The following PKNOX2 variants were observed in gnomAD, a reference collection of about 807,000 sequenced individuals.
The protein encoded by PKNOX2 is PBX/knotted 1 homeobox 2, also known as homeobox protein PKNOX2.
In PKNOX2, 14 loss-of-function variants were observed where a neutral mutation model predicts 53.1. The observed-to-expected ratio is 0.26, with a 90% CI of 0.17 to 0.41. The LOEUF (loss-of-function observed/expected upper bound fraction) is 0.41, where lower values mean the gene tolerates loss of function less well. Ranked by LOEUF, PKNOX2 falls within the 10% of genes least tolerant of loss-of-function variation. The pLI is 1.00. For synonymous variants in PKNOX2, 257 were observed against 242.8 expected, an observed-to-expected ratio of 1.06 and a Z score of -0.54; for missense variants, 496 against 602.8, an observed-to-expected ratio of 0.82 and a Z score of 1.85.
chr11:125,205,710 T>A (rs1207152080), intron 1 of PKNOX2, among the ~76,000 whole-genome samples: 1 of 151,988 alleles, frequency 6.6e-6, no homozygotes, highest in Admixed American at 6.6e-5. Context: ...TGCAGCCCAA[T>A]CTCGACTTCC....
intron 1 of PKNOX2, among the ~76,000 whole-genome samples, chr11:125,216,287 G>A (rs947879920): frequency 2.0e-5 from 3 of 152,180 alleles, no homozygotes; most frequent in Admixed American, 6.5e-5. Flanking sequence ...CTGTGGTTTC[G>A]AGTCTGTCTG....
chr11:125,298,218 CA>C (rs1445122371), intron 2 of PKNOX2, among the ~76,000 whole-genome samples: 2 of 152,156 alleles, frequency 1.3e-5, no homozygotes, highest in Admixed American at 6.5e-5. Context: ...GAGGTTCAGA[CA>C]GGGGTAGATG....
intron 2 of PKNOX2, among the ~76,000 whole-genome samples, chr11:125,257,122 G>C (rs186424559): frequency 2.5e-4 from 38 of 151,514 alleles, no homozygotes; most frequent in Non-Finnish European, 4.6e-4. Flanking sequence ...GTATTATTCT[G>C]TGCCTCTGAG....
intron 2 of PKNOX2, among the ~76,000 whole-genome samples, chr11:125,260,754 G>C (rs999457870): frequency 2.0e-5 from 3 of 152,068 alleles, no homozygotes; most frequent in African/African-American, 7.2e-5. Flanking sequence ...GCACACACAC[G>C]GCTGAGGACG....
At chr11:125,360,403 A>C (rs2136241344) in intron 4 of PKNOX2, among the ~76,000 whole-genome samples, 1 of 152,324 alleles carries the variant, frequency 6.6e-6, no homozygotes. Flanking sequence ...TTTGCGGGGC[A>C]TCTGCTGCTT....
chr11:125,347,668 C>G (rs960878820), intron 3 of PKNOX2, among the ~76,000 whole-genome samples: 6 of 152,144 alleles, frequency 3.9e-5, no homozygotes, highest in African/African-American at 1.4e-4. Flanking sequence ...GGCTCCTGGG[C>G]TCTCTAAAAT....
At chr11:125,399,008 G>A (rs1954578004) in intron 7 of PKNOX2, among the ~76,000 whole-genome samples, 1 of 152,236 alleles carries the variant, frequency 6.6e-6, no homozygotes, top group Admixed American at 6.5e-5. Flanking sequence ...GACCCCTAAG[G>A]AACCACCCAT....
chr11:125,225,024 A>T (rs1941571431), intron 1 of PKNOX2, among the ~76,000 whole-genome samples: 1 of 152,246 alleles, frequency 6.6e-6, no homozygotes, highest in East Asian at 1.9e-4. Context: ...CCTGGATGGC[A>T]TCTTTTCTGA....
Position 125,250,523 on chromosome 11 carries a change from G to A in PKNOX2, c.-130+15408G>A, listed in dbSNP as rs575721391. On this transcript the variant is annotated intron_variant, in intron 2 of 12. Coordinates refer to ENST00000298282, the MANE Select transcript of PKNOX2 (RefSeq NM_001382323.2). ...TTCTCAACAAATGCTGCTGTGTTGC[G>A]GGAGCTGTGCCAGACCCCACTGGAA... Among the ~76,000 whole-genome samples the A allele has an allele frequency of 1.6e-3, 238 of 152,236 alleles. 2 individuals are homozygous for A. The highest frequency in any genetic ancestry group is 2.4e-3 in the Non-Finnish European group (160 of 68,008).
intron 3 of PKNOX2, among the ~76,000 whole-genome samples, chr11:125,348,022 G>A (rs1268893220): frequency 6.6e-6 from 1 of 152,168 alleles, no homozygotes; most frequent in South Asian, 2.1e-4. Context: ...GAAGCCCGGG[G>A]CTAGGTTTGC....
At chr11:125,196,736 A>G (rs1183902829) in intron 1 of PKNOX2, among the ~76,000 whole-genome samples, 1 of 152,212 alleles carries the variant, frequency 6.6e-6, no homozygotes, top group East Asian at 1.9e-4. Context: ...ATCATGTCCA[A>G]TATCTCATCC....
chr11:125,244,279 C>A (rs1461769952), intron 2 of PKNOX2, among the ~76,000 whole-genome samples: 2 of 152,226 alleles, frequency 1.3e-5, no homozygotes, highest in African/African-American at 4.8e-5. Flanking sequence ...GGTGTCTGGC[C>A]CTCAGCCAGC....
intron 4 of PKNOX2, among the ~76,000 whole-genome samples, chr11:125,361,429 C>G (rs1951919310): frequency 6.6e-6 from 1 of 152,150 alleles, no homozygotes; most frequent in African/African-American, 2.4e-5. Flanking sequence ...ACCTGAAACC[C>G]CAGAAGGTAA....
intron 2 of PKNOX2, among the ~76,000 whole-genome samples, chr11:125,313,622 C>A (rs548618304): frequency 6.6e-6 from 1 of 152,306 alleles, no homozygotes; most frequent in East Asian, 1.9e-4. Flanking sequence ...AGGCAGACAA[C>A]CCTGGCTTGA....
chr11:125,190,868 T>A (rs555513597), intron 1 of PKNOX2: 1 of 152,374 alleles, frequency 6.6e-6, no homozygotes, highest in Non-Finnish European at 1.5e-5. Context: ...GTCTGCACAA[T>A]TCATTTGGCA....
At position 125,213,703 on chromosome 11, in the gene PKNOX2, C is replaced by G. The variant is rs1293995513; in HGVS notation, c.-200-21342C>G. On this transcript the variant is annotated intron_variant, in intron 1 of 12. Transcript: ENST00000298282. ...GAACTCTTGGGCTCAAGTGATCTGC[C>G]CGCCATGGCCTCCCAAAGTGCTGGG... Among the ~76,000 whole-genome samples, 3 of 152,098 alleles carry G rather than the reference C, an allele frequency of 2.0e-5. 1 individual carries two copies. Among genetic ancestry groups the G allele is most frequent in the Non-Finnish European group, 4.4e-5 (3 of 67,998 alleles).
chr11:125,387,616 C>T (rs1953738899), intron 6 of PKNOX2, among the ~76,000 whole-genome samples: 1 of 152,214 alleles, frequency 6.6e-6, no homozygotes, highest in African/African-American at 2.4e-5. Flanking sequence ...TGAGTGTCTG[C>T]CCCATGCCAG....
Position 125,431,447 on chromosome 11 carries a change from G to A in PKNOX2, c.*55G>A, listed in dbSNP as rs954880399. 6.4e-6 allele frequency: 3 copies of A among 468,442 alleles called. No individual in the cohort carries two copies. Among genetic ancestry groups the A allele is most frequent in the East Asian group, 7.6e-5 (1 of 13,204 alleles). 29.0% of individuals were successfully genotyped at this position (468,442 alleles called of 1,614,324 possible). ...AGCAGGAGAGGAGTGTCGCCGGGAG[G>A]CCTTCAGGGTGGGGGGGAAGGGGAC... On this transcript the variant is annotated 3_prime_UTR_variant, in exon 13 of 13. Coordinates refer to ENST00000298282, the MANE Select transcript of PKNOX2 (RefSeq NM_001382323.2).
rs77108710 is a variant in PKNOX2, at chr11:125,221,900, G to C, written c.-200-13145G>C. 9.4e-3 allele frequency among the ~76,000 whole-genome samples: 1,426 copies of C among 152,280 alleles called. 35 individuals are homozygous for C. Among genetic ancestry groups the C allele is most frequent in the African/African-American group, 0.032 (1,328 of 41,548 alleles). On this transcript the variant is annotated intron_variant, in intron 1 of 12. Coordinates refer to ENST00000298282, the MANE Select transcript of PKNOX2 (RefSeq NM_001382323.2). Reference sequence around the variant, plus strand: ...ATGACCTACAGCCCACTGCCCGCCCGGGCTGTAGAAGAATCACTTGCTGTC... The same window carrying C: ...ATGACCTACAGCCCACTGCCCGCCCCGGCTGTAGAAGAATCACTTGCTGTC...
Sources: allele counts gnomAD v4.1 joint callset (sites outside exome capture counted in the v4.1 genomes callset), GRCh38; gene constraint gnomAD v4.1.1; transcripts MANE v1.5; gene names NCBI Gene and HGNC (gene_info 2026-07-23, HGNC 2026-07-21).